GRHL3: variants seen among roughly 807,000 people sequenced by gnomAD.
The protein encoded by GRHL3 is grainyhead-like protein 3 homolog.
In GRHL3, 20 loss-of-function variants were observed where a neutral mutation model predicts 70.3. That is an observed-to-expected ratio of 0.28 (90% CI 0.20 to 0.41). The LOEUF (loss-of-function observed/expected upper bound fraction) is 0.41. GRHL3 is among the 10% of genes least tolerant of loss of function. GRHL3 has a pLI of 1.00. For missense variants in GRHL3, 637 were observed against 762.3 expected, an observed-to-expected ratio of 0.84 and a Z score of 1.94; for synonymous variants, 299 against 299.9, an observed-to-expected ratio of 1.00 and a Z score of 0.03.
chr1:24,329,669 G>A (rs867751934), intron 1 of GRHL3, among the ~76,000 whole-genome samples: 5 of 152,178 alleles, frequency 3.3e-5, no homozygotes, highest in Non-Finnish European at 5.9e-5. Flanking sequence ...ACGGCCTAAC[G>A]AACAGAGAAC....
intron 12 of GRHL3, 92 bp downstream of exon 12, chr1:24,345,023 GCC>G: frequency 1.7e-6 from 2 of 1,159,184 alleles, no homozygotes; most frequent in Non-Finnish European, 2.4e-6. Flanking sequence ...CCACACCTGT[GCC>G]CCCTCTACAC....
intron 14 of GRHL3, among the ~76,000 whole-genome samples, chr1:24,349,802 T>A (rs1403762959): frequency 1.3e-5 from 2 of 152,208 alleles, no homozygotes; most frequent in Non-Finnish European, 2.9e-5. Flanking sequence ...TAAAACCATG[T>A]GGAACCTAAA....
intron 2 of GRHL3, among the ~76,000 whole-genome samples, chr1:24,333,778 T>C (rs576184287): frequency 2.0e-5 from 3 of 152,286 alleles, no homozygotes; most frequent in Non-Finnish European, 2.9e-5. Flanking sequence ...CCCCATTTCC[T>C]CATCCATAGA....
chr1:24,341,633 G>C (rs1439553479), intron 8 of GRHL3, among the ~76,000 whole-genome samples: 1 of 152,182 alleles, frequency 6.6e-6, no homozygotes, highest in East Asian at 1.9e-4. Flanking sequence ...TGGCTGGAGT[G>C]GGTGGTTGGG....
In GRHL3 at chr1:24,361,654, G is replaced by A. The variant is rs566298789; in HGVS notation, c.1695-2531G>A. 5.6e-4 allele frequency among the ~76,000 whole-genome samples: 85 copies of A among 152,192 alleles called. 1 individual carries two copies. The highest frequency in any genetic ancestry group is 6.8e-3 in the Middle Eastern group (2 of 294). On this transcript the variant is annotated intron_variant, in intron 15 of 15. Transcript: ENST00000350501. ...CAGGAGGCAGGAGTGGAAAAGCACC[G>A]GGCTGGAAATCAAGAGACTCTGCAT... is the stretch of plus-strand genomic sequence containing the variant.
chr1:24,364,106 C>T, intron 15 of GRHL3: 1 of 1,450,118 alleles, frequency 6.9e-7, no homozygotes, highest in South Asian at 1.5e-5. Context: ...TGCCTTTGTC[C>T]CTGCTGTTCC....
intron 15 of GRHL3, among the ~76,000 whole-genome samples, chr1:24,351,603 G>A (rs953591764): frequency 1.7e-5 from 2 of 114,334 alleles, no homozygotes; most frequent in Non-Finnish European, 3.4e-5. Flanking sequence ...CCTGGCTCCA[G>A]CCCCACCTGT....
chr1:24,347,530 G>A lies in GRHL3; in HGVS notation c.1606G>A (p.Asp536Asn), dbSNP rs769729251. The change falls in exon 14 of 16, where the codon GAC becomes AAC. Residue 536 changes from aspartate (D) to asparagine (N), a missense_variant. Asp to Asn is a conservative substitution (Grantham distance 23). Coordinates refer to ENST00000361548, the MANE Select transcript of GRHL3 (RefSeq NM_198173.3). ...TGACGCGCTCATGTTGAAGACCCCA[G>A]ACCTGAAGGGGCTGAGGAATGCGGT... Reference protein sequence around the residue: ...VFDALMLKTPDLKGLRNAISE... With the variant: ...VFDALMLKTPNLKGLRNAISE... 3 of 1,613,984 alleles carry A rather than the reference G, an allele frequency of 1.9e-6. No homozygotes were observed. In the African/African-American group the frequency reaches 4.0e-5, roughly 22 times the overall value.
chr1:24,348,483 T>C (rs922914121), intron 14 of GRHL3, among the ~76,000 whole-genome samples: 2 of 152,194 alleles, frequency 1.3e-5, no homozygotes, highest in African/African-American at 4.8e-5. Context: ...CCCAGGAAGC[T>C]GGGCTCACAA....
At chr1:24,358,635 G>A, downstream of GRHL3, 2 of 1,598,798 alleles carry the variant, frequency 1.3e-6, no homozygotes, top group Non-Finnish European at 1.7e-6. Context: ...AGGGGACAGA[G>A]AGGCGGAGGC....
intron 1 of GRHL3, among the ~76,000 whole-genome samples, chr1:24,326,385 C>T (rs543463103): frequency 6.9e-6 from 1 of 145,902 alleles, no homozygotes; most frequent in African/African-American, 2.6e-5. Flanking sequence ...CTCCACCCCT[C>T]TTCTCCTCCA....
At chr1:24,353,254 T>C (rs1640585563) in intron 15 of GRHL3, among the ~76,000 whole-genome samples, 1 of 152,132 alleles carries the variant, frequency 6.6e-6, no homozygotes, top group South Asian at 2.1e-4. Context: ...GATTCAAAAC[T>C]CCTGGAAGGC....
chr1:24,356,402 G>A (rs970433388), downstream of GRHL3, among the ~76,000 whole-genome samples: 1 of 151,940 alleles, frequency 6.6e-6, no homozygotes, highest in Non-Finnish European at 1.5e-5. Context: ...ACCATGCCCG[G>A]CTAATTTTTT....
At chr1:24,361,158 G>A (rs983092920) in intron 15 of GRHL3, 30 of 962,086 alleles carry the variant, frequency 3.1e-5, no homozygotes, top group East Asian at 2.2e-4. Flanking sequence ...GACTGGTCAC[G>A]GCACTGGGGC....
chr1:24,320,554 G>A (rs1382729059), intron 1 of GRHL3, among the ~76,000 whole-genome samples: 2 of 152,208 alleles, frequency 1.3e-5, no homozygotes, highest in Non-Finnish European at 2.9e-5. Context: ...ACCCTCAGAG[G>A]TGAGTGGGCA....
chr1:24,358,720 T>C, downstream of GRHL3: 3 of 812,096 alleles, frequency 3.7e-6, no homozygotes, highest in South Asian at 4.9e-5. Flanking sequence ...GGGACCCCTG[T>C]GCCAGCCCCT....
At chr1:24,363,857 T>C (rs1178915150) in intron 15 of GRHL3, among the ~76,000 whole-genome samples, 5 of 152,194 alleles carry the variant, frequency 3.3e-5, no homozygotes, top group Non-Finnish European at 7.3e-5. Flanking sequence ...GTAGCTGTTA[T>C]GGCAGGAATT....
chr1:24,335,014 AACACACACACACACACACACACAC>A (rs35646472), intron 3 of GRHL3, among the ~76,000 whole-genome samples: 1 of 136,968 alleles, frequency 7.3e-6, no homozygotes, highest in African/African-American at 2.7e-5. Context: ...TCAGCTTGAA[AACACACACACACACACACACACAC>A]ACACACACAC....
downstream of GRHL3, among the ~76,000 whole-genome samples, chr1:24,356,620 T>C (rs574860472): frequency 2.0e-5 from 3 of 152,348 alleles, no homozygotes; most frequent in East Asian, 5.8e-4. Flanking sequence ...CTGCTACCTG[T>C]AGCCCTCAGT....
Sources: allele counts gnomAD v4.1 joint callset (sites outside exome capture counted in the v4.1 genomes callset), GRCh38; gene constraint gnomAD v4.1.1; transcripts MANE v1.5; gene names NCBI Gene and HGNC (gene_info 2026-07-23, HGNC 2026-07-21).